Variants in KIF19 observed in about 807,000 individuals in gnomAD.
KIF19 encodes the protein kinesin family member 19.
Under a neutral mutation model 106.6 loss-of-function variants are expected in KIF19, and 98 were observed. The observed-to-expected ratio is 0.92, with a 90% CI of 0.78 to 1.09. The LOEUF (loss-of-function observed/expected upper bound fraction) is 1.09. KIF19 is among the 50% of genes least tolerant of loss of function. KIF19 has a pLI of 0.00. For synonymous variants in KIF19, 516 were observed against 584.2 expected (o/e 0.88, Z 1.68); for missense variants, 1,373 against 1,414.3 (o/e 0.97, Z 0.47).
chr17:74,343,198 C>G (rs1325025993), intron 5 of KIF19, 38 bp downstream of exon 5: 2 of 1,603,710 alleles, frequency 1.2e-6, no homozygotes, highest in African/African-American at 1.3e-5. Flanking sequence ...GGGCTGGCCT[C>G]CCTCCCTGGG....
chr17:74,348,995 G>C, intron 9 of KIF19, 189 bp from the exon 10 acceptor site: 1 of 602,040 alleles, frequency 1.7e-6, no homozygotes, highest in Admixed American at 3.1e-5. Flanking sequence ...CAGGCATTAG[G>C]AAGCCACTGA....
rs2054805929 is a variant in KIF19 at position 74,354,204 on chromosome 17, A to G, written c.2351A>G (p.Lys784Arg). ...ACTGGCACCAAGTGCATCTGGGTGA[A>G]GGCCGCCCGGCGGCGCTCGCGGGCC... is the stretch of plus-strand genomic sequence containing the variant. ...ILTGTKCIWV[K>R]AARRRSRALG... The change falls in exon 18 of 20, where the codon AAG becomes AGG. Residue 784 changes from lysine (K) to arginine (R), a missense_variant. This residue lies in a region of KIF19 where 1,020 missense variants were observed against 1,008.2 expected (regional missense o/e 1.01). Transcript: ENST00000389916. 1.2e-6 allele frequency: 2 copies of G among 1,609,576 alleles called. No homozygotes were observed. The highest frequency in any genetic ancestry group is 1.7e-6 in the Non-Finnish European group (2 of 1,179,548).
Position 74,352,052 on chromosome 17 carries a change from C to T in KIF19, c.1773C>T (p.Arg591=). The T allele has an allele frequency of 6.3e-7, 1 of 1,584,908 alleles. No homozygotes were observed. Among genetic ancestry groups the T allele is most frequent in the Middle Eastern group, 1.7e-4 (1 of 5,956 alleles). Residue 591 remains arginine, a synonymous_variant, in exon 13 of 20, where the codon CGC becomes CGT. Transcript: ENST00000389916. ...CGCTGCTCCGCGACGGTGCGCTCCG[C>T]CACCGCCACGAGGCCGTGCGCCGCC... ...SHALLRDGAL[R]HRHEAVRRLE...
intron 2 of KIF19, among the ~76,000 whole-genome samples, chr17:74,329,961 A>T (rs1277735596): frequency 6.6e-6 from 1 of 152,244 alleles, no homozygotes; most frequent in Non-Finnish European, 1.5e-5. Context: ...CCAGAGGCAG[A>T]TGGCACACTT....
At position 74,354,155 on chromosome 17, in the gene KIF19, G is replaced by A. The variant is rs377443137; in HGVS notation, c.2309-7G>A. ...TCGGGTTGTATGTTCCCCGTGTCCC[G>A]CTGCAGAGAGGAAGGAGATCCTGAC... On this transcript the variant is annotated splice_region_variant and splice_polypyrimidine_tract_variant and intron_variant, in intron 17 of 19. Transcript: ENST00000389916. The A allele has an allele frequency of 1.5e-4, 243 of 1,598,814 alleles. 1 individual carries two copies. In the African/African-American group the frequency reaches 2.5e-3, roughly 16 times the overall value.
chr17:74,343,394 C>T (rs1276137142), intron 5 of KIF19, among the ~76,000 whole-genome samples: 2 of 152,070 alleles, frequency 1.3e-5, no homozygotes, highest in African/African-American at 4.8e-5. Context: ...CAAGCTCCGC[C>T]CTGTGCCACG....
intron 10 of KIF19, among the ~76,000 whole-genome samples, chr17:74,349,902 G>A (rs999489520): frequency 6.6e-6 from 1 of 151,744 alleles, no homozygotes; most frequent in Non-Finnish European, 1.5e-5. Flanking sequence ...GGGTTCAAGC[G>A]ATTCTTCTGC....
chr17:74,326,707 G>A (rs1299898663), intron 1 of KIF19, among the ~76,000 whole-genome samples: 1 of 152,286 alleles, frequency 6.6e-6, no homozygotes, highest in Admixed American at 6.5e-5. Context: ...AACGCCAGGG[G>A]CAGGGAGGGC....
intron 4 of KIF19, 126 bp from the exon 5 acceptor site, chr17:74,342,898 C>A: frequency 7.8e-7 from 1 of 1,286,144 alleles, no homozygotes; most frequent in Admixed American, 2.2e-5. Flanking sequence ...CCCCACTCCC[C>A]ACCACCTCCC....
At chr17:74,352,372 G>A (rs1598399228) in intron 14 of KIF19, 32 bp downstream of exon 14, 1 of 1,586,698 alleles carries the variant, frequency 6.3e-7, no homozygotes, top group Non-Finnish European at 8.6e-7. Flanking sequence ...CTGAACATGG[G>A]CACATGTGCC....
chr17:74,327,891 C>T (rs2053957463), intron 1 of KIF19, among the ~76,000 whole-genome samples: 1 of 152,234 alleles, frequency 6.6e-6, no homozygotes, highest in South Asian at 2.1e-4. Flanking sequence ...GAGATCCACG[C>T]ACAGGATGAG....
At position 74,354,447 on chromosome 17, in the gene KIF19, C is replaced by T. The variant is rs1225162909; in HGVS notation, c.2594C>T (p.Pro865Leu). ...GCAGTCGGACATCATGGGGACGGCCCCAGGCCCTGGCTGCGTGGCCAGAAG... is the reference window on the plus strand; with the variant it reads ...GCAGTCGGACATCATGGGGACGGCCTCAGGCCCTGGCTGCGTGGCCAGAAG... ...SRAVGHHGDG[P>L]RPWLRGQKKS... The change falls in exon 18 of 20, where the codon CCC becomes CTC. Residue 865 changes from proline to leucine, a missense_variant. By Grantham distance (98) the Pro-to-Leu change is moderately conservative. Transcript: ENST00000389916. The T allele has an allele frequency of 6.2e-7, 1 of 1,610,386 alleles. No homozygotes were observed.
chr17:74,349,803 T>C lies in KIF19; in HGVS notation c.1213+454T>C, dbSNP rs1006135114. On this transcript the variant is annotated intron_variant, in intron 10 of 19. Coordinates refer to ENST00000389916, the MANE Select transcript of KIF19 (RefSeq NM_153209.4). ...AAAGAGAGAGGCAGACAGTAAAGAT[T>C]TTTTTTTTTTTTTGAGACAGAGTCT... 7.8e-3 allele frequency among the ~76,000 whole-genome samples: 228 copies of C among 29,318 alleles called. No homozygotes were observed. In the African/African-American group the frequency reaches 0.088, roughly 11 times the overall value. 19.2% of individuals were successfully genotyped at this position (29,318 alleles called of 152,430 possible).
intron 17 of KIF19, 58 bp from the exon 18 acceptor site, chr17:74,354,104 G>A (rs1050077776): frequency 6.5e-7 from 1 of 1,531,854 alleles, no homozygotes. Flanking sequence ...CATGTCAGAG[G>A]AGGGTGTTGA....
In KIF19 at chr17:74,349,341, A is replaced by G. The variant is rs772165341; in HGVS notation, c.1205A>G (p.His402Arg). 2 of 1,600,340 alleles carry G rather than the reference A, an allele frequency of 1.2e-6. No individual in the cohort carries two copies. Among genetic ancestry groups the G allele is most frequent in the Admixed American group, 1.7e-5 (1 of 58,518 alleles). The change falls in exon 10 of 20, where the codon CAC becomes CGC. Residue 402 changes from histidine (H) to arginine (R), a missense_variant. Physicochemically the swap from His to Arg is conservative, Grantham distance 29. Coordinates refer to ENST00000389916, the MANE Select transcript of KIF19 (RefSeq NM_153209.4). Reference protein sequence around the residue: ...RGRQDRGDIRHIQAEVQLHSG... With the variant: ...RGRQDRGDIRRIQAEVQLHSG... ...CGGCAGGATCGGGGTGACATCCGCC[A>G]CATCCAAGGTGCGCCTGTGGGTCTG...
rs569532462 is a variant in KIF19, at chr17:74,353,644, C to G, written c.2308+63C>G. 3.8e-5 allele frequency: 51 copies of G among 1,343,986 alleles called. No individual in the cohort carries two copies. In the East Asian group the frequency reaches 1.1e-3, roughly 29 times the overall value. 83.3% of individuals were successfully genotyped at this position (1,343,986 alleles called of 1,614,324 possible). A position where few individuals can be genotyped will look rare whatever the true frequency, so the allele number is the denominator to read the frequency against. ...CCTTGTCTAAACTGTTCAGATCACC[C>G]AGCTCAAAGCCCTTTCCTGCCCTCT... On this transcript the variant is annotated intron_variant, in intron 17 of 19. Coordinates refer to ENST00000389916, the MANE Select transcript of KIF19 (RefSeq NM_153209.4).
rs2054723073 is a variant in KIF19 at position 74,352,039 on chromosome 17, A to G, written c.1760A>G (p.Asp587Gly). Residue 587 changes from aspartate to glycine, a missense_variant, in exon 13 of 20, where the codon GAC (aspartate) becomes GGC (glycine). Physicochemically the swap from Asp to Gly is moderately conservative, Grantham distance 94. Around this residue, in one of 3 missense-constraint regions of KIF19, gnomAD observed 1,020 missense variants for 1,008.2 expected, o/e 1.01. Transcript: ENST00000389916. ...TEMQSHALLR[D>G]GALRHRHEAV... ...ATGCAGTCGCACGCGCTGCTCCGCGACGGTGCGCTCCGCCACCGCCACGAG... is the reference window on the plus strand; with the variant it reads ...ATGCAGTCGCACGCGCTGCTCCGCGGCGGTGCGCTCCGCCACCGCCACGAG... 1.9e-6 allele frequency: 3 copies of G among 1,574,258 alleles called. No homozygotes were observed. The African/African-American group carries it at 4.1e-5, about 21-fold the overall frequency.
intron 10 of KIF19, 68 bp from the exon 11 acceptor site, chr17:74,350,332 AG>A: frequency 2.1e-6 from 3 of 1,442,390 alleles, no homozygotes; most frequent in Non-Finnish European, 2.8e-6. Context: ...GGAGGGGCCC[AG>A]GTGGGCCCAG....
In KIF19 at chr17:74,341,861, C is replaced by T. The variant is rs2054382090; in HGVS notation, c.121-15C>T. The T allele has an allele frequency of 2.5e-6, 4 of 1,606,174 alleles. No homozygotes were observed. Among genetic ancestry groups the T allele is most frequent in the Non-Finnish European group, 3.4e-6 (4 of 1,173,084 alleles). On this transcript the variant is annotated splice_polypyrimidine_tract_variant and intron_variant, in intron 2 of 19. Transcript: ENST00000389916. ...TTCCCAGGTGACCGTGGGCCTCCCT[C>T]TGGGGACCTTGCAGATGGTGGTTCT...
Sources: gnomAD v4.1 joint callset for allele counts (sites outside exome capture counted in the v4.1 genomes callset) on GRCh38, gnomAD v4.1.1 for gene constraint, gnomAD v4.1.1 regional missense constraint, MANE v1.5 for transcripts, NCBI Gene and HGNC (gene_info 2026-07-23, HGNC 2026-07-21) for gene names.